ELP4: variants seen among roughly 807,000 people sequenced by gnomAD.
ELP4 encodes elongator complex protein 4.
A neutral mutation model predicts 48.9 loss-of-function variants in ELP4; 51 were observed. That is an observed-to-expected ratio of 1.04 (90% CI 0.83 to 1.32). The LOEUF (loss-of-function observed/expected upper bound fraction) is 1.32. ELP4 is among the 40% of genes most tolerant of loss of function. ELP4 has a pLI of 0.00. For synonymous variants in ELP4, 210 were observed against 189.2 expected, an observed-to-expected ratio of 1.11 and a Z score of -0.90; for missense variants, 519 against 514.6, an observed-to-expected ratio of 1.01 and a Z score of -0.08.
rs1262339566 is a variant in ELP4, at chr11:31,536,942, CTTCCTA to C, written c.260-2717_260-2712del. On this transcript the variant is annotated intron_variant, in intron 2 of 9. Transcript: ENST00000640961. ...TATCTGTAGTTTGCCTGTTTTAAAT[CTTCCTA>C]TTAGCTGTCTTTTCAAAGGTAAATT... Among the ~76,000 whole-genome samples the C allele has an allele frequency of 2.0e-5, 3 of 152,140 alleles. No homozygotes were observed. In the East Asian group the frequency reaches 5.8e-4, roughly 29 times the overall value.
rs147498319 is a variant in ELP4, at chr11:31,576,536, T to A, written c.382-18234T>A. 4.7e-4 allele frequency among the ~76,000 whole-genome samples: 72 copies of A among 152,264 alleles called. No individual in the cohort carries two copies. The East Asian group carries it at 0.014, about 29-fold the overall frequency. ...CTTATTCCTAAATTGACCACATAGT[T>A]GGAAGTAAAGCACTCCTCAGCAAAT... On this transcript the variant is annotated intron_variant, in intron 3 of 9. Transcript: ENST00000640961.
At chr11:31,759,411 C>T (rs142711257) in intron 9 of ELP4, among the ~76,000 whole-genome samples, 1 of 152,166 alleles carries the variant, frequency 6.6e-6, no homozygotes, top group East Asian at 1.9e-4. Flanking sequence ...ATTAGCCATA[C>T]CTTATTAGGG....
intron 1 of ELP4, among the ~76,000 whole-genome samples, chr11:31,515,076 C>A (rs1240874908): frequency 2.0e-5 from 3 of 146,508 alleles, no homozygotes; most frequent in African/African-American, 7.6e-5. Context: ...CAAATTATTC[C>A]TCTTAAAACA....
Position 31,627,185 on chromosome 11 carries a change from C to A in ELP4, c.729C>A (p.Ser243=). The A allele has an allele frequency of 6.5e-7, 1 of 1,534,038 alleles. No homozygotes were observed. Among genetic ancestry groups the A allele is most frequent in the Non-Finnish European group, 8.8e-7 (1 of 1,133,114 alleles). Residue 243 remains serine (S), a synonymous_variant, in exon 6 of 10, where the codon TCC becomes TCA. Transcript: ENST00000640961. ...TTTATGAGGAAGGATTTGATGGATC[C>A]AATCCTCAGGTATTAAATAGCTTCA... is the stretch of plus-strand genomic sequence containing the variant. ...NIIYEEGFDG[S]NPQKKQRNIL... is the part of the protein sequence containing the mutation.
At chr11:31,754,488 T>C (rs1264525519) in intron 9 of ELP4, among the ~76,000 whole-genome samples, 1 of 152,110 alleles carries the variant, frequency 6.6e-6, no homozygotes, top group Admixed American at 6.5e-5. Context: ...CAACTAGTAT[T>C]CCTTGCATTG....
At chr11:31,672,972 A>G (rs1031089299) in intron 9 of ELP4, among the ~76,000 whole-genome samples, 1 of 152,164 alleles carries the variant, frequency 6.6e-6, no homozygotes, top group Non-Finnish European at 1.5e-5. Context: ...TAATAAAACT[A>G]TAAAGGGATG....
intron 5 of ELP4, among the ~76,000 whole-genome samples, chr11:31,614,689 A>G (rs1436933368): frequency 1.3e-5 from 2 of 152,196 alleles, no homozygotes; most frequent in African/African-American, 2.4e-5. Flanking sequence ...GTATCACCAG[A>G]TAATACGCAA....
At chr11:31,545,123 C>A (rs1359447180) in intron 3 of ELP4, among the ~76,000 whole-genome samples, 2 of 152,146 alleles carry the variant, frequency 1.3e-5, no homozygotes, top group African/African-American at 4.8e-5. Flanking sequence ...AGCAATGGAA[C>A]AAAGTTGGAC....
intron 9 of ELP4, among the ~76,000 whole-genome samples, chr11:31,704,727 A>G (rs1946594536): frequency 6.6e-6 from 1 of 152,166 alleles, no homozygotes; most frequent in Admixed American, 6.5e-5. Flanking sequence ...TAAAGATTAT[A>G]TAGATCAGGC....
intron 5 of ELP4, among the ~76,000 whole-genome samples, chr11:31,615,991 T>G (rs901252686): frequency 1.3e-5 from 2 of 152,098 alleles, no homozygotes; most frequent in Non-Finnish European, 2.9e-5. Context: ...ACATTTGTTA[T>G]CTCATTTAAT....
Position 31,732,869 on chromosome 11 carries a change from T to C in ELP4, c.1144-50524T>C, listed in dbSNP as rs200321115. Among the ~76,000 whole-genome samples, 15 of 152,276 alleles carry C rather than the reference T, an allele frequency of 9.9e-5. No individual in the cohort carries two copies. In the East Asian group the frequency reaches 2.9e-3, roughly 29 times the overall value. On this transcript the variant is annotated intron_variant, in intron 9 of 9. Transcript: ENST00000640961. ...ATAATTCACCAGGAAGATATAGCAA[T>C]TGTAAATTGTTATATAAATGTACCC...
At chr11:31,658,873 G>T (rs919699534) in intron 9 of ELP4, among the ~76,000 whole-genome samples, 6 of 151,784 alleles carry the variant, frequency 4.0e-5, no homozygotes, top group African/African-American at 4.8e-5. Flanking sequence ...ATGAAGGTTT[G>T]ATTCTTTCAT....
Position 31,788,935 on chromosome 11 carries a change from TAAAG to T in ELP4, c.*5412_*5415del, listed in dbSNP as rs1429231849. Reference sequence around the variant, plus strand: ...TAAGGTTAAAAAGAAAACTGTATAATAAAGGAAATACAAAGGCTTTGGCATGGTT... The same window carrying T: ...TAAGGTTAAAAAGAAAACTGTATAATGAAATACAAAGGCTTTGGCATGGTT... On this transcript the variant is annotated 3_prime_UTR_variant, in exon 10 of 10. Coordinates refer to ENST00000640961, the MANE Select transcript of ELP4 (RefSeq NM_019040.5). 8 of 200,420 alleles carry T rather than the reference TAAAG, an allele frequency of 4.0e-5. No homozygotes were observed. Among genetic ancestry groups the T allele is most frequent in the South Asian group, 3.8e-4 (2 of 5,232 alleles). 12.4% of individuals were successfully genotyped at this position (200,420 alleles called of 1,614,324 possible).
intron 6 of ELP4, among the ~76,000 whole-genome samples, chr11:31,630,227 C>CTTTTT (rs11441798): frequency 7.8e-6 from 1 of 128,462 alleles, no homozygotes; most frequent in Non-Finnish European, 1.6e-5. Context: ...TTCTAAAATC[C>CTTTTT]TTTTTTTTTT....
At chr11:31,628,373 A>G (rs1199991234) in intron 6 of ELP4, 1 of 152,028 alleles carries the variant, frequency 6.6e-6, no homozygotes, top group East Asian at 1.9e-4. Context: ...GATGATGATG[A>G]CACATCTTCT....
chr11:31,559,794 T>C (rs955379371), intron 3 of ELP4, among the ~76,000 whole-genome samples: 13 of 151,574 alleles, frequency 8.6e-5, no homozygotes, highest in Non-Finnish European at 1.8e-4. Flanking sequence ...TCCCAGCTAC[T>C]CGGGTGGCTG....
chr11:31,669,176 G>A (rs917969119), intron 9 of ELP4, among the ~76,000 whole-genome samples: 1 of 151,668 alleles, frequency 6.6e-6, no homozygotes, highest in Non-Finnish European at 1.5e-5. Flanking sequence ...TCGGCTCACT[G>A]CAACCTCTGC....
intron 9 of ELP4, among the ~76,000 whole-genome samples, chr11:31,773,769 G>A (rs1336685859): frequency 6.6e-6 from 1 of 152,178 alleles, no homozygotes. Context: ...ATTGGATAAA[G>A]CTAATGCACA....
At chr11:31,589,998 A>G (rs1039452777) in intron 3 of ELP4, among the ~76,000 whole-genome samples, 1 of 152,202 alleles carries the variant, frequency 6.6e-6, no homozygotes, top group Non-Finnish European at 1.5e-5. Context: ...ACACTCTGGA[A>G]TCAGACTACC....
Sources: gnomAD v4.1 joint callset for allele counts (sites outside exome capture counted in the v4.1 genomes callset) on GRCh38, gnomAD v4.1.1 for gene constraint, MANE v1.5 for transcripts, NCBI Gene and HGNC (gene_info 2026-07-23, HGNC 2026-07-21) for gene names.